Variants in RLF observed in about 807,000 individuals in gnomAD.
RLF encodes RLF zinc finger, also known as zinc finger protein Rlf.
RLF carries 7 observed loss-of-function variants against 162.9 expected under a neutral mutation model. The observed-to-expected ratio is 0.04, with a 90% CI of 0.02 to 0.08. The LOEUF (loss-of-function observed/expected upper bound fraction) is 0.08, where lower values mean the gene tolerates loss of function less well. Ranked by LOEUF, RLF falls within the 10% of genes least tolerant of loss-of-function variation. The probability of loss-of-function intolerance (pLI) is 1.00; values close to 1 mark genes in which losing one functional copy is unlikely to be tolerated. For synonymous variants in RLF, 782 were observed against 791.5 expected (o/e 0.99, Z 0.20); for missense variants, 1,664 against 2,244.7 (o/e 0.74, Z 5.23).
At position 40,240,277 on chromosome 1, in the gene RLF, A is replaced by G. The variant is rs1352439876; in HGVS notation, c.5575A>G (p.Asn1859Asp). 6.2e-7 allele frequency: 1 copy of G among 1,614,210 alleles called. No individual in the cohort carries two copies. Among genetic ancestry groups the G allele is most frequent in the Non-Finnish European group, 8.5e-7 (1 of 1,180,036 alleles). Reference protein sequence around the residue: ...AETTTVPSLENLRVVLDKALT... With the variant: ...AETTTVPSLEDLRVVLDKALT... Reference sequence around the variant, plus strand: ...AACAACAACAGTTCCTTCCTTGGAAAACCTGAGGGTTGTATTGGACAAAGC... The same window carrying G: ...AACAACAACAGTTCCTTCCTTGGAAGACCTGAGGGTTGTATTGGACAAAGC... The change falls in exon 8 of 8, where the codon AAC (asparagine) becomes GAC (aspartate). Residue 1859 changes from asparagine (N) to aspartate (D), a missense_variant. Physicochemically the swap from Asn to Asp is conservative, Grantham distance 23. This residue lies in a region of RLF where 327 missense variants were observed against 342.7 expected (regional missense o/e 0.95). Transcript: ENST00000372771.
At chr1:40,172,352 C>A (rs575610270) in intron 1 of RLF, among the ~76,000 whole-genome samples, 107 of 152,086 alleles carry the variant, frequency 7.0e-4, no homozygotes, top group Non-Finnish European at 1.0e-3. Flanking sequence ...GATATGTTGA[C>A]CCTTTATGAG....
chr1:40,173,092 G>T (rs7543988), intron 1 of RLF, among the ~76,000 whole-genome samples: 142,458 of 144,034 alleles, frequency 0.99, 70,445 homozygotes, highest in Non-Finnish European at 1. Flanking sequence ...TTTTTTTTTT[G>T]TGAGGCAGAG....
intron 1 of RLF, among the ~76,000 whole-genome samples, chr1:40,182,661 A>G (rs1473809390): frequency 1.3e-5 from 2 of 152,174 alleles, no homozygotes; most frequent in African/African-American, 4.8e-5. Flanking sequence ...CAGAATCGGT[A>G]TCTAAAAATA....
intron 5 of RLF, among the ~76,000 whole-genome samples, chr1:40,205,714 A>G (rs561388668): frequency 5.3e-5 from 8 of 152,052 alleles, no homozygotes. Context: ...GATGGTCTCC[A>G]TCTCCTGACC....
intron 4 of RLF, among the ~76,000 whole-genome samples, chr1:40,202,081 C>T (rs1642726001): frequency 6.6e-6 from 1 of 152,034 alleles, no homozygotes. Context: ...ATAATACTTG[C>T]CTTGGTGGTG....
intron 5 of RLF, among the ~76,000 whole-genome samples, chr1:40,219,349 T>C (rs920501563): frequency 6.6e-6 from 1 of 152,062 alleles, no homozygotes; most frequent in Non-Finnish European, 1.5e-5. Context: ...AAACAGGTGC[T>C]AAGGGGGATA....
At chr1:40,228,273 A>G (rs1258847370) in intron 6 of RLF, among the ~76,000 whole-genome samples, 1 of 148,662 alleles carries the variant, frequency 6.7e-6, no homozygotes, top group African/African-American at 2.5e-5. Flanking sequence ...GCAACAGAAC[A>G]AGACTCCATC....
intron 5 of RLF, among the ~76,000 whole-genome samples, chr1:40,210,218 A>G (rs1393511897): frequency 1.3e-5 from 2 of 152,228 alleles, no homozygotes; most frequent in Non-Finnish European, 2.9e-5. Context: ...AGCAAACTGT[A>G]TGGCCCAGTT....
intron 4 of RLF, 75 bp downstream of exon 4, chr1:40,195,839 G>C (rs1642628721): frequency 6.5e-6 from 9 of 1,390,040 alleles, no homozygotes; most frequent in Non-Finnish European, 8.9e-6. Flanking sequence ...AAAATTTTGG[G>C]AATTTAACTT....
chr1:40,165,583 G>C (rs774561295), intron 1 of RLF, among the ~76,000 whole-genome samples: 8 of 151,770 alleles, frequency 5.3e-5, no homozygotes, highest in Non-Finnish European at 8.8e-5. Flanking sequence ...ATTTTTTTGG[G>C]GGGACACTGT....
intron 5 of RLF, among the ~76,000 whole-genome samples, chr1:40,203,581 C>CT (rs917452270): frequency 6.6e-6 from 1 of 151,096 alleles, no homozygotes; most frequent in Non-Finnish European, 1.5e-5. Context: ...AGATTGCATC[C>CT]TTTAAAAAAA....
intron 1 of RLF, among the ~76,000 whole-genome samples, chr1:40,175,645 A>G (rs552482786): frequency 6.6e-6 from 1 of 151,154 alleles, no homozygotes; most frequent in Non-Finnish European, 1.5e-5. Flanking sequence ...TGAGACTCCG[A>G]CTCAAAAAAA....
At chr1:40,164,568 C>T (rs973948061) in intron 1 of RLF, among the ~76,000 whole-genome samples, 4 of 152,118 alleles carry the variant, frequency 2.6e-5, no homozygotes, top group African/African-American at 7.2e-5. Context: ...TTTCTGAAAC[C>T]ACTGCCAGAC....
chr1:40,179,483 A>G (rs998250113), intron 1 of RLF, among the ~76,000 whole-genome samples: 6 of 151,510 alleles, frequency 4.0e-5, no homozygotes, highest in Non-Finnish European at 8.8e-5. Flanking sequence ...TTCCTTTTGC[A>G]TGATCATCCA....
chr1:40,170,399 A>G (rs1284158387), intron 1 of RLF, among the ~76,000 whole-genome samples: 2 of 152,082 alleles, frequency 1.3e-5, no homozygotes, highest in Admixed American at 6.5e-5. Context: ...AGTAGCTGGG[A>G]CCACAGGCGC....
At chr1:40,185,327 C>T (rs1046583228) in intron 1 of RLF, among the ~76,000 whole-genome samples, 4 of 150,472 alleles carry the variant, frequency 2.7e-5, no homozygotes, top group African/African-American at 4.9e-5. Flanking sequence ...GACAGGGTTT[C>T]ACCATGTTGG....
chr1:40,214,942 A>AAAAAAAAAAAG (rs1557753884), intron 5 of RLF, among the ~76,000 whole-genome samples: 2 of 147,494 alleles, frequency 1.4e-5, no homozygotes, highest in Non-Finnish European at 3.0e-5. Flanking sequence ...AAAAAAAAAA[A>AAAAAAAAAAAG]AAACTAAAGT....
chr1:40,178,632 G>GGTTTTTTTTTTTTTTT, intron 1 of RLF, among the ~76,000 whole-genome samples: 1 of 88,426 alleles, frequency 1.1e-5, no homozygotes, highest in Non-Finnish European at 2.3e-5. Flanking sequence ...TTTTTTTTTT[G>GGTTTTTTTTTTTTTTT]TTTTTTTTTT....
chr1:40,221,746 A>G (rs1233111222), intron 5 of RLF, among the ~76,000 whole-genome samples: 2 of 151,964 alleles, frequency 1.3e-5, no homozygotes, highest in Non-Finnish European at 2.9e-5. Context: ...TAAAAATATA[A>G]AAAATTAGCT....
Sources: allele counts gnomAD v4.1 joint callset (sites outside exome capture counted in the v4.1 genomes callset), GRCh38; gene constraint gnomAD v4.1.1; regional missense constraint gnomAD v4.1.1; transcripts MANE v1.5; gene names NCBI Gene and HGNC (gene_info 2026-07-23, HGNC 2026-07-21).